PCSK2: variants seen among roughly 807,000 people sequenced by gnomAD.
The protein encoded by PCSK2 is proprotein convertase subtilisin/kexin type 2.
PCSK2 carries 14 observed loss-of-function variants against 69.7 expected under a neutral mutation model. The ratio of observed to expected loss-of-function variants is 0.20; its 90% CI spans 0.13 to 0.31. The LOEUF (loss-of-function observed/expected upper bound fraction) is 0.31, where lower values mean the gene tolerates loss of function less well. Among genes scored for constraint, PCSK2 ranks in the 10% least tolerant of loss-of-function variants. PCSK2 has a pLI of 1.00. For missense variants in PCSK2, 544 were observed against 842.5 expected (o/e 0.65, Z 4.39); for synonymous variants, 307 against 320.7 (o/e 0.96, Z 0.46).
chr20:17,305,994 A>G (rs1364375012), intron 2 of PCSK2, among the ~76,000 whole-genome samples: 1 of 152,234 alleles, frequency 6.6e-6, no homozygotes, highest in African/African-American at 2.4e-5. Flanking sequence ...ATTTTTCTGC[A>G]AATGTGTTAC....
At position 17,279,603 on chromosome 20, in the gene PCSK2, C is replaced by T. The variant is rs948128722; in HGVS notation, c.282+19259C>T. ...GGTGGATCACCTGAGGTCCAGAGTT[C>T]GAGACCAGCCTGACCAACATGGAGA... is the stretch of plus-strand genomic sequence containing the variant. On this transcript the variant is annotated intron_variant, in intron 2 of 11. Transcript: ENST00000262545. Among the ~76,000 whole-genome samples, 4 of 151,832 alleles carry T rather than the reference C, an allele frequency of 2.6e-5. No homozygotes were observed. The South Asian group carries it at 6.3e-4, about 24-fold the overall frequency.
chr20:17,236,323 C>A (rs1986336797), intron 1 of PCSK2, among the ~76,000 whole-genome samples: 1 of 152,004 alleles, frequency 6.6e-6, no homozygotes, highest in South Asian at 2.1e-4. Flanking sequence ...CCCTAAAATT[C>A]ATAAGAAATT....
chr20:17,296,146 G>A (rs558767022), intron 2 of PCSK2, among the ~76,000 whole-genome samples: 32 of 152,290 alleles, frequency 2.1e-4, no homozygotes, highest in Non-Finnish European at 3.8e-4. Context: ...GACTGCCAGT[G>A]TAAAGCAGCA....
chr20:17,289,433 G>A (rs1988622233), intron 2 of PCSK2, among the ~76,000 whole-genome samples: 1 of 152,164 alleles, frequency 6.6e-6, no homozygotes, highest in Non-Finnish European at 1.5e-5. Context: ...GTTCTGTGGA[G>A]ATGGGGTATA....
intron 5 of PCSK2, among the ~76,000 whole-genome samples, chr20:17,381,142 G>A (rs1440109791): frequency 6.6e-6 from 1 of 152,124 alleles, no homozygotes; most frequent in Non-Finnish European, 1.5e-5. Context: ...CTCCACCATG[G>A]TAACCCTGCT....
intron 5 of PCSK2, among the ~76,000 whole-genome samples, chr20:17,377,168 T>G (rs2030951658): frequency 6.6e-6 from 1 of 152,218 alleles, no homozygotes; most frequent in South Asian, 2.1e-4. Flanking sequence ...ATCCCTCAAG[T>G]TGCTGGAAAT....
In PCSK2 at chr20:17,227,265, C is replaced by T; in HGVS notation, c.-41C>T. 1 of 1,535,110 alleles carries T rather than the reference C, an allele frequency of 6.5e-7. No individual in the cohort carries two copies. The highest frequency in any genetic ancestry group is 1.1e-5 in the South Asian group (1 of 89,228). On this transcript the variant is annotated 5_prime_UTR_variant, in exon 1 of 12. Coordinates refer to ENST00000262545, the MANE Select transcript of PCSK2 (RefSeq NM_002594.5). ...CCCTCCGAGTCCCCTGCTCCGCCAG[C>T]CTGCGCGCCTCCTAGCACCACTTTT...
At chr20:17,343,812 G>A (rs1990575439) in intron 2 of PCSK2, among the ~76,000 whole-genome samples, 1 of 152,162 alleles carries the variant, frequency 6.6e-6, no homozygotes, top group Admixed American at 6.5e-5. Context: ...ATAAGCCAAG[G>A]AATGAGGAAG....
chr20:17,449,581 AG>A (rs1318263036), intron 8 of PCSK2, among the ~76,000 whole-genome samples: 1 of 91,330 alleles, frequency 1.1e-5, no homozygotes, highest in African/African-American at 3.8e-5. Context: ...CCCAGGCTGG[AG>A]TGCAATAGCG....
Position 17,344,488 on chromosome 20 carries a change from C to T in PCSK2, c.283-13839C>T, listed in dbSNP as rs192612407. On this transcript the variant is annotated intron_variant, in intron 2 of 11. Coordinates refer to ENST00000262545, the MANE Select transcript of PCSK2 (RefSeq NM_002594.5). ...TTTGAGGAAGATTAAAAACAGATGT[C>T]CTTGAAGAAGAAAGAACTGAGGAAG... is the stretch of plus-strand genomic sequence containing the variant. Among the ~76,000 whole-genome samples, 7 of 152,310 alleles carry T rather than the reference C, an allele frequency of 4.6e-5. No homozygotes were observed. In the East Asian group the frequency reaches 1.4e-3, roughly 29 times the overall value.
chr20:17,292,675 A>G (rs187476434), intron 2 of PCSK2, among the ~76,000 whole-genome samples: 6 of 152,326 alleles, frequency 3.9e-5, no homozygotes, highest in African/African-American at 1.4e-4. Context: ...AATATGGCAT[A>G]TCTCAATTTA....
intron 8 of PCSK2, among the ~76,000 whole-genome samples, chr20:17,449,925 T>G (rs2123374984): frequency 1.3e-5 from 2 of 151,884 alleles, no homozygotes; most frequent in East Asian, 3.9e-4. Context: ...AATCTTCATC[T>G]TCGTCCCTCC....
At chr20:17,259,389 T>A (rs1294144796) in intron 1 of PCSK2, among the ~76,000 whole-genome samples, 1 of 152,116 alleles carries the variant, frequency 6.6e-6, no homozygotes, top group Non-Finnish European at 1.5e-5. Context: ...AAGGGAGAGA[T>A]CTGGGAACTT....
In PCSK2 at chr20:17,294,184, A is replaced by G. The variant is rs548801540; in HGVS notation, c.282+33840A>G. Among the ~76,000 whole-genome samples the G allele has an allele frequency of 7.1e-5, 10 of 140,846 alleles. No individual in the cohort carries two copies. The East Asian group carries it at 1.8e-3, about 26-fold the overall frequency. 92.4% of individuals were successfully genotyped at this position (140,846 alleles called of 152,430 possible). ...CAGTGGCGCGATCTCGGCTCACTGC[A>G]AGCTCCGCCTCCCGGGTTCACGCCA... On this transcript the variant is annotated intron_variant, in intron 2 of 11. Coordinates refer to ENST00000262545, the MANE Select transcript of PCSK2 (RefSeq NM_002594.5).
intron 4 of PCSK2, among the ~76,000 whole-genome samples, chr20:17,366,120 G>A (rs915129099): frequency 6.6e-6 from 1 of 152,114 alleles, no homozygotes; most frequent in Non-Finnish European, 1.5e-5. Flanking sequence ...TAGGGTTAGG[G>A]TTAAAGAACT....
chr20:17,347,424 T>C (rs1369826561), intron 2 of PCSK2, among the ~76,000 whole-genome samples: 4 of 152,118 alleles, frequency 2.6e-5, no homozygotes, highest in African/African-American at 7.2e-5. Context: ...TCTGAGCCCC[T>C]TGGAGAGGCC....
intron 2 of PCSK2, 80 bp from the exon 3 acceptor site, chr20:17,358,247 A>C (rs2030274438): frequency 1.1e-6 from 1 of 887,818 alleles, no homozygotes; most frequent in African/African-American, 1.7e-5. Flanking sequence ...TACAAATGAA[A>C]TTTGGATTCA....
intron 2 of PCSK2, among the ~76,000 whole-genome samples, chr20:17,325,300 A>C (rs1027058696): frequency 6.6e-6 from 1 of 152,166 alleles, no homozygotes; most frequent in Non-Finnish European, 1.5e-5. Flanking sequence ...GAATGAACAC[A>C]TTTATAAGCA....
intron 2 of PCSK2, among the ~76,000 whole-genome samples, chr20:17,287,948 G>T (rs1032827556): frequency 1.3e-5 from 2 of 152,200 alleles, no homozygotes; most frequent in African/African-American, 4.8e-5. Context: ...CCCTGAAAGA[G>T]CAGCCTGACT....
Sources: gnomAD v4.1 joint callset for allele counts (sites outside exome capture counted in the v4.1 genomes callset) on GRCh38, gnomAD v4.1.1 for gene constraint, MANE v1.5 for transcripts, NCBI Gene and HGNC (gene_info 2026-07-23, HGNC 2026-07-21) for gene names.